Variants in CCDC28B observed in about 807,000 individuals in gnomAD.
The protein encoded by CCDC28B is coiled-coil domain-containing protein 28B.
CCDC28B carries 17 observed loss-of-function variants against 18.7 expected under a neutral mutation model. The ratio of observed to expected loss-of-function variants is 0.91; its 90% CI spans 0.62 to 1.36. The LOEUF is 1.36. Among genes scored for constraint, CCDC28B ranks in the 40% most tolerant of loss-of-function variants. CCDC28B has a pLI of 0.00. For synonymous variants in CCDC28B, 116 were observed against 105.1 expected (o/e 1.10, Z -0.64); for missense variants, 213 against 251.7 (o/e 0.85, Z 1.04).
chr1:32,203,440 G>C (rs963714633), intron 2 of CCDC28B, among the ~76,000 whole-genome samples: 6 of 152,112 alleles, frequency 3.9e-5, no homozygotes, highest in African/African-American at 1.4e-4. Flanking sequence ...CTGGGCAACA[G>C]AGCGAGACTC....
chr1:32,204,674 C>T (rs1460353608), intron 5 of CCDC28B, 54 bp downstream of exon 5: 2 of 1,614,052 alleles, frequency 1.2e-6, no homozygotes, highest in South Asian at 1.1e-5. Context: ...AGGTCAGTTT[C>T]CTCCTCTCCA....
At chr1:32,202,827 A>G (rs6425793) in intron 2 of CCDC28B, 33,422 of 155,446 alleles carry the variant, frequency 0.22, 4,410 homozygotes, top group Non-Finnish European at 0.29. Flanking sequence ...TTTTTGTTTA[A>G]AAGAGTTTTT....
intron 3 of CCDC28B, 41 bp downstream of exon 3, chr1:32,204,086 G>A (rs1231076148): frequency 6.3e-7 from 1 of 1,587,098 alleles, no homozygotes. Flanking sequence ...TGTGGATAGG[G>A]CTGTAGGGCC....
chr1:32,204,981 C>G (rs1171679482), intron 5 of CCDC28B: 3 of 1,242,410 alleles, frequency 2.4e-6, no homozygotes, highest in Non-Finnish European at 3.3e-6. Context: ...CGAGTGCGCG[C>G]GCACACACCC....
At chr1:32,198,496 T>C (rs117280038), upstream of CCDC28B, among the ~76,000 whole-genome samples, 590 of 152,246 alleles carry the variant, frequency 3.9e-3, 9 homozygotes, top group East Asian at 0.02. Flanking sequence ...CTTGGCAAAG[T>C]TGGCAAGACC....
chr1:32,202,201 T>C (rs758977395), intron 2 of CCDC28B, 102 bp downstream of exon 2: 7 of 1,410,460 alleles, frequency 5.0e-6, no homozygotes, highest in Non-Finnish European at 6.9e-6. Context: ...TAAGCAATAA[T>C]TGATGCCTTT....
upstream of CCDC28B, among the ~76,000 whole-genome samples, chr1:32,199,567 G>GT (rs1267473248): frequency 2.0e-5 from 3 of 152,174 alleles, no homozygotes; most frequent in African/African-American, 7.2e-5. Flanking sequence ...TGGGCCCCTG[G>GT]TTATTGAAAA....
At chr1:32,202,551 A>G in intron 2 of CCDC28B, 2 of 354,462 alleles carry the variant, frequency 5.6e-6, no homozygotes, top group South Asian at 2.1e-5. Flanking sequence ...GCTGCCTTAT[A>G]ATGTGTCCAT....
At chr1:32,199,033 C>A (rs1460846417), upstream of CCDC28B, among the ~76,000 whole-genome samples, 2 of 152,296 alleles carry the variant, frequency 1.3e-5, no homozygotes, top group East Asian at 3.9e-4. Context: ...GTATGCATTC[C>A]TTAAGGAGAG....
At chr1:32,199,462 G>T (rs1301849759), upstream of CCDC28B, among the ~76,000 whole-genome samples, 1 of 152,154 alleles carries the variant, frequency 6.6e-6, no homozygotes, top group Non-Finnish European at 1.5e-5. Flanking sequence ...GCTGAGGATG[G>T]GAACCACAGG....
chr1:32,203,759 T>C (rs1643215308), intron 2 of CCDC28B, 120 bp from the exon 3 acceptor site: 8 of 716,510 alleles, frequency 1.1e-5, no homozygotes, highest in Non-Finnish European at 1.7e-5. Flanking sequence ...AGTAAGTAGA[T>C]GGGCAGATGA....
upstream of CCDC28B, among the ~76,000 whole-genome samples, chr1:32,199,625 G>A (rs1470104192): frequency 1.3e-5 from 2 of 152,304 alleles, no homozygotes; most frequent in East Asian, 1.9e-4. Context: ...AGTGTTGGAA[G>A]TACCCAGGAA....
chr1:32,204,114 C>G (rs1643229965), intron 3 of CCDC28B, 69 bp downstream of exon 3: 1 of 1,601,398 alleles, frequency 6.2e-7, no homozygotes, highest in South Asian at 1.1e-5. Flanking sequence ...TGGGGCATGG[C>G]TGGGACCATG....
upstream of CCDC28B, among the ~76,000 whole-genome samples, chr1:32,198,829 G>C (rs1037409293): frequency 3.3e-5 from 5 of 152,148 alleles, no homozygotes; most frequent in Non-Finnish European, 7.3e-5. Flanking sequence ...CAGAGGGCAG[G>C]GGGGGCAACT....
chr1:32,204,128 C>T (rs1164231865), intron 3 of CCDC28B, 58 bp from the exon 4 acceptor site: 10 of 1,605,256 alleles, frequency 6.2e-6, no homozygotes, highest in African/African-American at 4.0e-5. Context: ...GACCATGGTT[C>T]CAGGGTTCCA....
rs560610169 is a variant in CCDC28B, at chr1:32,204,977, C to T, written c.549-217C>T. On this transcript the variant is annotated intron_variant, in intron 5 of 5. Transcript: ENST00000373602. ...TCCTCAGTCAGAAACAGCGCGAGTG[C>T]GCGCGCACACACCCCAGTGTGTCTG... 4 of 1,247,500 alleles carry T rather than the reference C, an allele frequency of 3.2e-6. No homozygotes were observed. In the African/African-American group the frequency reaches 4.5e-5, roughly 14 times the overall value. 77.3% of individuals were successfully genotyped at this position (1,247,500 alleles called of 1,614,324 possible).
At chr1:32,197,456 G>A (rs1384759741), upstream of CCDC28B, 2 of 152,278 alleles carry the variant, frequency 1.3e-5, no homozygotes, top group African/African-American at 4.8e-5. The surrounding 1 kb of genome is among the most constrained non-coding windows in gnomAD (Gnocchi z 4.6). Flanking sequence ...AGACCTTCAG[G>A]CCAGTCTGCA....
chr1:32,203,649 T>C (rs1643211411), intron 2 of CCDC28B, among the ~76,000 whole-genome samples: 1 of 152,162 alleles, frequency 6.6e-6, no homozygotes, highest in African/African-American at 2.4e-5. Context: ...GGCACTGCTC[T>C]GGCTGTGTTA....
At chr1:32,196,543 C>A (rs1228103405), upstream of CCDC28B, 1 of 152,228 alleles carries the variant, frequency 6.6e-6, no homozygotes, top group African/African-American at 2.4e-5. Flanking sequence ...CTGTTCTACC[C>A]CCACTCCAGT....
Sources: allele counts gnomAD v4.1 joint callset (sites outside exome capture counted in the v4.1 genomes callset), GRCh38; gene constraint gnomAD v4.1.1; non-coding constraint Gnocchi (gnomAD v3.1); transcripts MANE v1.5; gene names NCBI Gene and HGNC (gene_info 2026-07-23, HGNC 2026-07-21).